Variants in KCNT2 observed in about 807,000 individuals in gnomAD.
KCNT2 encodes potassium channel subfamily T member 2.
In KCNT2, 67 loss-of-function variants were observed where a neutral mutation model predicts 153.8. That is an observed-to-expected ratio of 0.44 (90% CI 0.36 to 0.53). KCNT2 has a LOEUF of 0.53. Among genes scored for constraint, KCNT2 ranks in the 20% least tolerant of loss-of-function variants. The pLI, the probability that KCNT2 is intolerant of heterozygous loss-of-function variation, is 0.00. For synonymous variants in KCNT2, 500 were observed against 458.8 expected (o/e 1.09, Z -1.15); for missense variants, 975 against 1,354.8 (o/e 0.72, Z 4.40).
intron 1 of KCNT2, among the ~76,000 whole-genome samples, chr1:196,510,476 A>AT (rs1197829528): frequency 2.0e-5 from 3 of 152,214 alleles, no homozygotes; most frequent in Non-Finnish European, 2.9e-5. Context: ...GTTATTACAT[A>AT]TTTTTTCTGA....
chr1:196,539,439 T>C (rs1656041592), intron 1 of KCNT2, among the ~76,000 whole-genome samples: 1 of 152,160 alleles, frequency 6.6e-6, no homozygotes, highest in African/African-American at 2.4e-5. Flanking sequence ...TTTCTATAAA[T>C]TTCCTAATAT....
intron 1 of KCNT2, among the ~76,000 whole-genome samples, chr1:196,524,844 T>C (rs1653965112): frequency 6.6e-6 from 1 of 152,226 alleles, no homozygotes; most frequent in Non-Finnish European, 1.5e-5. Flanking sequence ...TTAGATCTAA[T>C]TTATGTTCCA....
At chr1:196,563,920 T>C (rs193215720) in intron 1 of KCNT2, among the ~76,000 whole-genome samples, 1 of 152,048 alleles carries the variant, frequency 6.6e-6, no homozygotes, top group Non-Finnish European at 1.5e-5. Context: ...TGAGGCAAAG[T>C]TGAAAGTTTC....
intron 26 of KCNT2, among the ~76,000 whole-genome samples, chr1:196,236,361 T>G (rs1654437236): frequency 6.6e-6 from 1 of 151,556 alleles, no homozygotes; most frequent in African/African-American, 2.4e-5. Flanking sequence ...GTATTTTTCT[T>G]TAATAAATGA....
At chr1:196,466,925 G>A (rs772307417) in intron 7 of KCNT2, among the ~76,000 whole-genome samples, 23 of 151,882 alleles carry the variant, frequency 1.5e-4, no homozygotes, top group Admixed American at 3.9e-4. Context: ...ATGCAACTGG[G>A]GCACAGCTCT....
chr1:196,520,009 A>G (rs1572708294), intron 1 of KCNT2, among the ~76,000 whole-genome samples: 2 of 152,162 alleles, frequency 1.3e-5, no homozygotes, highest in East Asian at 3.9e-4. Context: ...CAGCAAAAAG[A>G]AAACTTCAGG....
At chr1:196,254,031 C>T (rs975782441) in intron 26 of KCNT2, among the ~76,000 whole-genome samples, 23 of 151,288 alleles carry the variant, frequency 1.5e-4, no homozygotes, top group African/African-American at 5.6e-4. Context: ...GGATATGATA[C>T]AACTCTATAA....
intron 12 of KCNT2, among the ~76,000 whole-genome samples, chr1:196,415,578 G>C (rs779974589): frequency 6.6e-6 from 1 of 151,510 alleles, no homozygotes; most frequent in Non-Finnish European, 1.5e-5. Context: ...TGTTATGTCC[G>C]GATAAGAGCA....
intron 21 of KCNT2, among the ~76,000 whole-genome samples, chr1:196,308,373 G>A (rs887161825): frequency 1.3e-5 from 2 of 151,922 alleles, no homozygotes; most frequent in African/African-American, 2.4e-5. Context: ...GATGTGTACT[G>A]GTCTGTGCCA....
chr1:196,408,316 G>T (rs945901295), intron 12 of KCNT2, among the ~76,000 whole-genome samples: 9 of 151,112 alleles, frequency 6.0e-5, no homozygotes, highest in Non-Finnish European at 1.3e-4. Context: ...GATCAATTTT[G>T]CCATCTTTGG....
intron 1 of KCNT2, among the ~76,000 whole-genome samples, chr1:196,599,677 A>AT (rs1244513382): frequency 6.6e-6 from 1 of 152,118 alleles, no homozygotes; most frequent in Non-Finnish European, 1.5e-5. Context: ...CTGCCAGGCG[A>AT]TTGTCCCCTA....
intron 1 of KCNT2, among the ~76,000 whole-genome samples, chr1:196,497,176 T>A (rs779330409): frequency 2.6e-5 from 4 of 152,236 alleles, no homozygotes; most frequent in Admixed American, 1.3e-4. Context: ...ATCTATGTAT[T>A]CAACTAGTTG....
chr1:196,383,696 C>A (rs924990954), intron 13 of KCNT2, among the ~76,000 whole-genome samples: 1 of 152,064 alleles, frequency 6.6e-6, no homozygotes, highest in Admixed American at 6.6e-5. Context: ...TCAGGAAATT[C>A]GTGTCTTTAA....
chr1:196,551,136 C>T (rs1382476669), intron 1 of KCNT2, among the ~76,000 whole-genome samples: 7 of 151,770 alleles, frequency 4.6e-5, no homozygotes, highest in Admixed American at 2.6e-4. Flanking sequence ...TCCTCTATGC[C>T]TACCACTTTG....
intron 1 of KCNT2, among the ~76,000 whole-genome samples, chr1:196,506,391 C>G (rs1403810455): frequency 6.6e-6 from 1 of 152,148 alleles, no homozygotes; most frequent in Non-Finnish European, 1.5e-5. Context: ...TGTGGTTCAT[C>G]TATTTCAATT....
intron 26 of KCNT2, among the ~76,000 whole-genome samples, chr1:196,246,457 T>C (rs540660485): frequency 1.3e-4 from 20 of 152,246 alleles, no homozygotes; most frequent in African/African-American, 4.6e-4. Context: ...TAATAGTAAA[T>C]ACACACACAA....
Position 196,488,345 on chromosome 1 carries a change from C to G in KCNT2, c.275+1493G>C, listed in dbSNP as rs1679596362. Among the ~76,000 whole-genome samples the G allele has an allele frequency of 2.0e-5, 3 of 152,046 alleles. No individual in the cohort carries two copies. In the South Asian group the frequency reaches 6.2e-4, roughly 32 times the overall value. ...CACTAACCATGGGAGCTAAACAGAA[C>G]ATTGTATTCAAAATGGAACCATAAA... is the stretch of plus-strand genomic sequence containing the variant. On this transcript the variant is annotated intron_variant, in intron 3 of 27. Coordinates refer to ENST00000294725, the MANE Select transcript of KCNT2 (RefSeq NM_198503.5).
At chr1:196,262,865 A>C (rs959635435) in intron 25 of KCNT2, among the ~76,000 whole-genome samples, 1 of 152,102 alleles carries the variant, frequency 6.6e-6, no homozygotes, top group African/African-American at 2.4e-5. Context: ...ACCTCAGGAA[A>C]ATATTTTATG....
intron 27 of KCNT2, among the ~76,000 whole-genome samples, chr1:196,233,622 C>T (rs1176545318): frequency 6.6e-6 from 1 of 151,368 alleles, no homozygotes; most frequent in African/African-American, 2.4e-5. Context: ...CTAGACATTT[C>T]CTCTTTATAC....
Sources: gnomAD v4.1 joint callset for allele counts (sites outside exome capture counted in the v4.1 genomes callset) on GRCh38, gnomAD v4.1.1 for gene constraint, MANE v1.5 for transcripts, NCBI Gene and HGNC (gene_info 2026-07-23, HGNC 2026-07-21) for gene names.